PEX5L: variants seen among roughly 807,000 people sequenced by gnomAD.
PEX5L encodes PEX5-related protein.
A neutral mutation model predicts 84.0 loss-of-function variants in PEX5L; 30 were observed. The ratio of observed to expected loss-of-function variants is 0.36; its 90% CI spans 0.27 to 0.48. PEX5L has a LOEUF of 0.48. Among genes scored for constraint, PEX5L ranks in the 20% least tolerant of loss-of-function variants. The probability of loss-of-function intolerance (pLI) is 0.99; values close to 1 mark genes in which losing one functional copy is unlikely to be tolerated. For synonymous variants in PEX5L, 270 were observed against 283.1 expected, an observed-to-expected ratio of 0.95 and a Z score of 0.46; for missense variants, 533 against 754.6, an observed-to-expected ratio of 0.71 and a Z score of 3.44.
At chr3:180,006,006 T>C (rs1028408142) in intron 1 of PEX5L, among the ~76,000 whole-genome samples, 4 of 152,266 alleles carry the variant, frequency 2.6e-5, no homozygotes, top group African/African-American at 7.2e-5. Flanking sequence ...GTTTATCTTT[T>C]AGAAGTCTCC....
At chr3:179,821,054 C>A (rs1424910851) in intron 8 of PEX5L, among the ~76,000 whole-genome samples, 1 of 152,144 alleles carries the variant, frequency 6.6e-6, no homozygotes, top group Non-Finnish European at 1.5e-5. Context: ...TTTCAAGGAA[C>A]CACTTTGGCC....
Position 179,996,993 on chromosome 3 carries a change from GAATTATA to G in PEX5L, c.22-25335_22-25329del, listed in dbSNP as rs1787944492. 3.3e-5 allele frequency among the ~76,000 whole-genome samples: 5 copies of G among 152,108 alleles called. No individual in the cohort carries two copies. In the South Asian group the frequency reaches 1.0e-3, roughly 32 times the overall value. Reference sequence around the variant, plus strand: ...GGTTGAATGGACAAAAGACTAATTTGAATTATAAAAACAGAGAATCATAGCTCCTCAA... The same window carrying G: ...GGTTGAATGGACAAAAGACTAATTTGAAAACAGAGAATCATAGCTCCTCAA... On this transcript the variant is annotated intron_variant, in intron 1 of 14. Coordinates refer to ENST00000467460, the MANE Select transcript of PEX5L (RefSeq NM_016559.3).
intron 2 of PEX5L, among the ~76,000 whole-genome samples, chr3:179,902,860 T>C (rs1353491401): frequency 6.6e-6 from 1 of 152,138 alleles, no homozygotes; most frequent in African/African-American, 2.4e-5. Flanking sequence ...GAAATTGAGA[T>C]AGGTTAGATT....
At chr3:179,942,025 A>G (rs1776264097) in intron 2 of PEX5L, among the ~76,000 whole-genome samples, 1 of 140,862 alleles carries the variant, frequency 7.1e-6, no homozygotes, top group Admixed American at 6.9e-5. Context: ...CTCAAAAAAA[A>G]AAAAAAAAAA....
In PEX5L at chr3:179,797,082, A is replaced by G. The variant is rs1717253075; in HGVS notation, c.*4746T>C. On this transcript the variant is annotated 3_prime_UTR_variant, in exon 15 of 15. Coordinates refer to ENST00000467460, the MANE Select transcript of PEX5L (RefSeq NM_016559.3). ...TTTGAAATGCATTATTAAGAATTTA[A>G]AGTCGAAACCTTTATGTGCTGAGGC... is the stretch of plus-strand genomic sequence containing the variant. 6.9e-6 allele frequency: 1 copy of G among 144,032 alleles called. No homozygotes were observed. 8.9% of individuals were successfully genotyped at this position (144,032 alleles called of 1,614,324 possible). A position where few individuals can be genotyped will look rare whatever the true frequency, so the allele number is the denominator to read the frequency against.
intron 11 of PEX5L, among the ~76,000 whole-genome samples, chr3:179,810,305 C>T (rs754912347): frequency 6.6e-6 from 1 of 152,002 alleles, no homozygotes; most frequent in African/African-American, 2.4e-5. Flanking sequence ...CCACACCTGG[C>T]CTCTACTACC....
chr3:180,012,119 C>G (rs922905059), intron 1 of PEX5L, among the ~76,000 whole-genome samples: 1 of 152,152 alleles, frequency 6.6e-6, no homozygotes, highest in African/African-American at 2.4e-5. Context: ...TTTATATTAT[C>G]GTAATTCCAT....
intron 1 of PEX5L, among the ~76,000 whole-genome samples, chr3:179,976,668 C>T (rs191148599): frequency 6.6e-6 from 1 of 152,278 alleles, no homozygotes; most frequent in Admixed American, 6.5e-5. Flanking sequence ...AAACTCCTGA[C>T]ATCAGGTGAT....
chr3:179,989,319 A>G (rs1393803422), intron 1 of PEX5L, among the ~76,000 whole-genome samples: 1 of 152,222 alleles, frequency 6.6e-6, no homozygotes, highest in Non-Finnish European at 1.5e-5. Context: ...ACTGTTTTGA[A>G]CAGAGTTCCT....
At chr3:179,998,309 T>G (rs947487021) in intron 1 of PEX5L, among the ~76,000 whole-genome samples, 1 of 152,180 alleles carries the variant, frequency 6.6e-6, no homozygotes, top group Non-Finnish European at 1.5e-5. Context: ...ATTGATTAAG[T>G]AACCCGAAAG....
Position 179,975,261 on chromosome 3 carries a change from T to A in PEX5L, c.22-3596A>T, listed in dbSNP as rs185821908. On this transcript the variant is annotated intron_variant, in intron 1 of 14. Transcript: ENST00000467460. ...ATATGGGATGTATCATATAGGAACA[T>A]TTTGCAAGTAAGTAACACAACAATG... Among the ~76,000 whole-genome samples the A allele has an allele frequency of 1.9e-4, 29 of 152,240 alleles. No individual in the cohort carries two copies. The East Asian group carries it at 4.4e-3, about 23-fold the overall frequency.
chr3:179,986,767 A>G (rs1786893043), intron 1 of PEX5L, among the ~76,000 whole-genome samples: 1 of 152,164 alleles, frequency 6.6e-6, no homozygotes, highest in Non-Finnish European at 1.5e-5. Context: ...GCAGAGCAAA[A>G]TTAGAACTTA....
At chr3:179,987,296 T>C (rs1322447221) in intron 1 of PEX5L, among the ~76,000 whole-genome samples, 1 of 147,626 alleles carries the variant, frequency 6.8e-6, no homozygotes, top group Non-Finnish European at 1.5e-5. Flanking sequence ...CATTCCTCCC[T>C]TTCTCTTCCC....
chr3:179,850,089 T>A (rs1266977052), intron 8 of PEX5L, among the ~76,000 whole-genome samples: 4 of 152,150 alleles, frequency 2.6e-5, no homozygotes, highest in Admixed American at 2.6e-4. Context: ...AACTGATCAC[T>A]TATCCACAAA....
At chr3:179,958,148 A>G (rs1781070340) in intron 2 of PEX5L, among the ~76,000 whole-genome samples, 1 of 152,190 alleles carries the variant, frequency 6.6e-6, no homozygotes, top group South Asian at 2.1e-4. Context: ...GCTCTTCTTT[A>G]TCATATATGG....
intron 10 of PEX5L, among the ~76,000 whole-genome samples, chr3:179,812,791 G>A (rs777367219): frequency 9.9e-5 from 15 of 151,042 alleles, no homozygotes; most frequent in Non-Finnish European, 1.6e-4. Context: ...GGGGGTGGAG[G>A]TATATTAGGG....
intron 1 of PEX5L, among the ~76,000 whole-genome samples, chr3:180,005,523 T>C (rs1167755087): frequency 6.6e-6 from 1 of 152,128 alleles, no homozygotes; most frequent in African/African-American, 2.4e-5. Flanking sequence ...GGTCAAGAGA[T>C]CGAGACCATT....
intron 2 of PEX5L, among the ~76,000 whole-genome samples, chr3:179,907,111 C>G (rs1287043669): frequency 6.6e-6 from 1 of 151,892 alleles, no homozygotes; most frequent in East Asian, 1.9e-4. Context: ...AAAATGTTCC[C>G]TTGGATTCAT....
chr3:179,994,293 C>T (rs1219076164), intron 1 of PEX5L, among the ~76,000 whole-genome samples: 5 of 152,324 alleles, frequency 3.3e-5, no homozygotes, highest in Non-Finnish European at 7.3e-5. Flanking sequence ...GTTTTTTATA[C>T]ATTAAAAGTT....
Sources: gnomAD v4.1 joint callset for allele counts (sites outside exome capture counted in the v4.1 genomes callset) on GRCh38, gnomAD v4.1.1 for gene constraint, MANE v1.5 for transcripts, NCBI Gene and HGNC (gene_info 2026-07-23, HGNC 2026-07-21) for gene names.